FANCI: variants seen among roughly 807,000 people sequenced by gnomAD.
FANCI encodes the protein FA complementation group I, also known as Fanconi anemia group I protein.
Under a neutral mutation model 176.1 loss-of-function variants are expected in FANCI, and 156 were observed. The observed-to-expected ratio is 0.89, with a 90% CI of 0.78 to 1.01. The LOEUF (loss-of-function observed/expected upper bound fraction) is 1.01. Ranked by LOEUF, FANCI falls within the 50% of genes least tolerant of loss-of-function variation. FANCI has a pLI of 0.00. For synonymous variants in FANCI, 613 were observed against 541.7 expected (o/e 1.13, Z -1.83); for missense variants, 1,678 against 1,534.1 (o/e 1.09, Z -1.57).
intron 2 of FANCI, among the ~76,000 whole-genome samples, chr15:89,252,389 C>G (rs559896341): frequency 6.6e-6 from 1 of 151,724 alleles, no homozygotes; most frequent in East Asian, 1.9e-4. Flanking sequence ...GTGATAAAAC[C>G]ATCTATAAAC....
chr15:89,286,140 G>A (rs556737627), intron 18 of FANCI, among the ~76,000 whole-genome samples: 1 of 152,176 alleles, frequency 6.6e-6, no homozygotes, highest in South Asian at 2.1e-4. Flanking sequence ...TTACAGCCAT[G>A]CACCACCATG....
chr15:89,258,951 T>C (rs2052608180), intron 3 of FANCI, 175 bp downstream of exon 3: 1 of 603,396 alleles, frequency 1.7e-6, no homozygotes, highest in Non-Finnish European at 3.0e-6. Context: ...GTAATTTTAC[T>C]GAAGGGAGTT....
intron 12 of FANCI, among the ~76,000 whole-genome samples, chr15:89,275,811 G>T (rs997423581): frequency 6.6e-6 from 1 of 152,166 alleles, no homozygotes; most frequent in Non-Finnish European, 1.5e-5. Flanking sequence ...TGTATAATTA[G>T]CCTGGAGTGG....
At chr15:89,290,154 T>A in intron 18 of FANCI, 59 bp from the exon 19 acceptor site, 1 of 1,296,052 alleles carries the variant, frequency 7.7e-7, no homozygotes, top group Admixed American at 1.7e-5. Flanking sequence ...AAGTTATGAT[T>A]GTCCAGATCA....
chr15:89,283,650 C>T (rs993151351), intron 17 of FANCI, among the ~76,000 whole-genome samples: 1 of 152,070 alleles, frequency 6.6e-6, no homozygotes, highest in South Asian at 2.1e-4. Context: ...TGTTGGGTTA[C>T]AGAAAACATT....
At chr15:89,295,383 A>G (rs928162580) in intron 24 of FANCI, among the ~76,000 whole-genome samples, 1 of 150,058 alleles carries the variant, frequency 6.7e-6, no homozygotes, top group African/African-American at 2.5e-5. Context: ...AAAAAAAAAA[A>G]AGCCAGACAT....
chr15:89,312,252 A>T (rs1231559225), intron 34 of FANCI, among the ~76,000 whole-genome samples: 12 of 152,034 alleles, frequency 7.9e-5, no homozygotes, highest in Admixed American at 7.9e-4. Context: ...AGAAATGAAT[A>T]TTCCTGCTAC....
rs763450606 is a variant in FANCI, at chr15:89,258,763, A to G, written c.144A>G (p.Arg48=). The stretch of plus-strand genomic sequence containing the variant: ...GAAAAGTTGCTGGAGCACTCCTGAG[A>G]GCCATCTTCAAAGGTAATAATAATT... ...VKGKVAGALL[R]AIFKGSPCSE... The change falls in exon 3 of 38, where the codon AGA becomes AGG. Residue 48 remains arginine (R), a synonymous_variant. Coordinates refer to ENST00000310775, the MANE Select transcript of FANCI (RefSeq NM_001113378.2). 6.2e-7 allele frequency: 1 copy of G among 1,610,406 alleles called. No individual in the cohort carries two copies. Among genetic ancestry groups the G allele is most frequent in the South Asian group, 1.1e-5 (1 of 91,010 alleles).
chr15:89,304,043 C>A, intron 28 of FANCI, 128 bp downstream of exon 28: 1 of 845,260 alleles, frequency 1.2e-6, no homozygotes, highest in Non-Finnish European at 2.0e-6. Flanking sequence ...AAACAGACAC[C>A]TAATACCAAG....
chr15:89,253,791 G>C (rs557707095), intron 2 of FANCI, among the ~76,000 whole-genome samples: 4,762 of 139,286 alleles, frequency 0.034, 292 homozygotes, highest in African/African-American at 0.12. Context: ...ACTTGTGGGG[G>C]GGGGGGGGAA....
In FANCI at chr15:89,306,170, C is replaced by G. The variant is rs777783807; in HGVS notation, c.3513C>G (p.Thr1171=). The change falls in exon 32 of 38, where the codon ACC becomes ACG. Residue 1171 remains threonine, a synonymous_variant. Coordinates refer to ENST00000310775, the MANE Select transcript of FANCI (RefSeq NM_001113378.2). ...TLLKDLCKMY[T]TLTALVRYYL... The stretch of plus-strand genomic sequence containing the variant: ...TAAAGGACTTGTGCAAAATGTACAC[C>G]ACACTTACAGCCCTTGTCAGATATG... 1.2e-6 allele frequency: 2 copies of G among 1,614,112 alleles called. No individual in the cohort carries two copies. Among genetic ancestry groups the G allele is most frequent in the Non-Finnish European group, 1.7e-6 (2 of 1,180,016 alleles).
chr15:89,312,475 T>C (rs1261043882), intron 34 of FANCI, among the ~76,000 whole-genome samples: 2 of 152,242 alleles, frequency 1.3e-5, no homozygotes, highest in Non-Finnish European at 2.9e-5. Flanking sequence ...CAGATAGTCC[T>C]GTTTACTCCA....
intron 31 of FANCI, 143 bp downstream of exon 31, chr15:89,305,841 T>A: frequency 9.1e-7 from 1 of 1,093,430 alleles, no homozygotes; most frequent in Non-Finnish European, 1.4e-6. Context: ...ATGAAAGAAG[T>A]AGAAGATCAT....
rs1028226294 is a variant in FANCI at position 89,281,048 on chromosome 15, C to T, written c.1382-122C>T. The T allele has an allele frequency of 4.4e-5, 41 of 931,574 alleles. No homozygotes were observed. In the African/African-American group the frequency reaches 6.0e-4, roughly 14 times the overall value. 57.7% of individuals were successfully genotyped at this position (931,574 alleles called of 1,614,324 possible). On this transcript the variant is annotated intron_variant, in intron 14 of 37. Transcript: ENST00000310775. The stretch of plus-strand genomic sequence containing the variant: ...ATAGAATCAGTAGAAATTTGTATTG[C>T]AGTATACTTGACTTATTTGAGAAAG...
In FANCI at chr15:89,315,509, G is replaced by A. The variant is rs75655771; in HGVS notation, c.3924+120G>A. 613 of 730,564 alleles carry A rather than the reference G, an allele frequency of 8.4e-4. 4 individuals carry two copies. The African/African-American group carries it at 9.4e-3, about 11-fold the overall frequency. 45.3% of individuals were successfully genotyped at this position (730,564 alleles called of 1,614,324 possible). ...ATGGGAAAGGGCTAAAAGGTGATCA[G>A]GCAAAGATGAGAGCAAAGGACTCTC... On this transcript the variant is annotated intron_variant, in intron 37 of 37. Coordinates refer to ENST00000310775, the MANE Select transcript of FANCI (RefSeq NM_001113378.2).
Position 89,260,616 on chromosome 15 carries a change from C to CT in FANCI, c.158-96dup, listed in dbSNP as rs373737050. 2.7e-6 allele frequency: 4 copies of CT among 1,488,034 alleles called. No individual in the cohort carries two copies. In the African/African-American group the frequency reaches 5.5e-5, roughly 21 times the overall value. The allele number at this position is 1,488,034 out of a possible 1,614,324, so 92.2% of individuals were successfully genotyped here. ...CGTAGTAATCAGTCGTTTGATAATT[C>CT]TGTTTTTTTGTATTTAACTACAAAC... On this transcript the variant is annotated intron_variant, in intron 3 of 37. Transcript: ENST00000310775.
intron 2 of FANCI, among the ~76,000 whole-genome samples, chr15:89,249,194 C>G (rs936020639): frequency 2.0e-5 from 3 of 152,002 alleles, no homozygotes; most frequent in Non-Finnish European, 4.4e-5. Flanking sequence ...GATAAAATGT[C>G]CCACAGAAGA....
At chr15:89,281,941 A>C (rs2053630320) in intron 16 of FANCI, 106 bp downstream of exon 16, 1 of 1,068,692 alleles carries the variant, frequency 9.4e-7, no homozygotes, top group Non-Finnish European at 1.4e-6. Flanking sequence ...GATCATGAGA[A>C]TTCCTAGCCC....
rs1430415834 is a variant in FANCI, at chr15:89,278,786, T to G, written c.1381+12T>G. 1 of 1,594,754 alleles carries G rather than the reference T, an allele frequency of 6.3e-7. No homozygotes were observed. Among genetic ancestry groups the G allele is most frequent in the Admixed American group, 1.7e-5 (1 of 59,964 alleles). Reference sequence around the variant, plus strand: ...CAGTCATTTCTTAGGTATTCAACTTTGAAAGAATGAATAAAGTTTTTAGAA... The same window carrying G: ...CAGTCATTTCTTAGGTATTCAACTTGGAAAGAATGAATAAAGTTTTTAGAA... On this transcript the variant is annotated intron_variant, in intron 14 of 37. Coordinates refer to ENST00000310775, the MANE Select transcript of FANCI (RefSeq NM_001113378.2).
Sources: gnomAD v4.1 joint callset for allele counts (sites outside exome capture counted in the v4.1 genomes callset) on GRCh38, gnomAD v4.1.1 for gene constraint, MANE v1.5 for transcripts, NCBI Gene and HGNC (gene_info 2026-07-23, HGNC 2026-07-21) for gene names.